The following VWC2L variants were observed in gnomAD, a reference collection of about 807,000 sequenced individuals.
VWC2L encodes the protein von Willebrand factor C domain containing 2 like.
VWC2L carries 10 observed loss-of-function variants against 21.6 expected under a neutral mutation model. That is an observed-to-expected ratio of 0.46 (90% CI 0.29 to 0.78). The LOEUF (loss-of-function observed/expected upper bound fraction) is 0.78. VWC2L is among the 30% of genes least tolerant of loss of function. The pLI is 0.10. For synonymous variants in VWC2L, 96 were observed against 94.3 expected (o/e 1.02, Z -0.10); for missense variants, 209 against 277.1 (o/e 0.75, Z 1.74).
intron 2 of VWC2L, among the ~76,000 whole-genome samples, chr2:214,420,196 C>T (rs963012130): frequency 2.0e-5 from 3 of 152,130 alleles, no homozygotes; most frequent in Non-Finnish European, 4.4e-5. Flanking sequence ...AAAATTTCAA[C>T]CTTCTCATTA....
chr2:214,574,037 G>A (rs770760321), intron 3 of VWC2L, among the ~76,000 whole-genome samples: 19 of 152,220 alleles, frequency 1.2e-4, no homozygotes, highest in Non-Finnish European at 2.1e-4. Flanking sequence ...AGCTACCTGG[G>A]AGGCTGAGGC....
chr2:214,500,373 G>T (rs886608901), intron 3 of VWC2L, among the ~76,000 whole-genome samples: 2 of 152,164 alleles, frequency 1.3e-5, no homozygotes, highest in East Asian at 1.9e-4. Context: ...CTGGTACAAG[G>T]GCTCTATGGT....
intron 3 of VWC2L, among the ~76,000 whole-genome samples, chr2:214,474,810 C>T (rs898968671): frequency 2.6e-5 from 4 of 152,042 alleles, no homozygotes; most frequent in South Asian, 4.1e-4. Context: ...ACATAGTTGC[C>T]GGCACATAAT....
intron 3 of VWC2L, among the ~76,000 whole-genome samples, chr2:214,470,930 A>G (rs1703298706): frequency 6.6e-6 from 1 of 150,728 alleles, no homozygotes; most frequent in Non-Finnish European, 1.5e-5. Context: ...AAAAAAAAAA[A>G]AAAAAAAAAA....
chr2:214,503,016 A>G (rs1034466949), intron 3 of VWC2L, among the ~76,000 whole-genome samples: 1 of 152,176 alleles, frequency 6.6e-6, no homozygotes, highest in Non-Finnish European at 1.5e-5. Context: ...CTGAGAACCA[A>G]TATCTTCCCC....
At chr2:214,505,216 T>C (rs1334631092) in intron 3 of VWC2L, among the ~76,000 whole-genome samples, 2 of 152,168 alleles carry the variant, frequency 1.3e-5, no homozygotes, top group Non-Finnish European at 2.9e-5. Flanking sequence ...ATTGCATCAG[T>C]TTGCCCTGAA....
chr2:214,494,580 A>G (rs373091868), intron 3 of VWC2L, among the ~76,000 whole-genome samples: 1 of 152,202 alleles, frequency 6.6e-6, no homozygotes, highest in East Asian at 1.9e-4. Context: ...TTGAAGGAAA[A>G]TCTCTCAGCT....
At chr2:214,520,472 C>A (rs1335700653) in intron 3 of VWC2L, among the ~76,000 whole-genome samples, 1 of 152,070 alleles carries the variant, frequency 6.6e-6, no homozygotes, top group Non-Finnish European at 1.5e-5. Flanking sequence ...AGTGAACTTC[C>A]TTGACCATGA....
chr2:214,551,900 C>T (rs1322326591), intron 3 of VWC2L, among the ~76,000 whole-genome samples: 1 of 152,236 alleles, frequency 6.6e-6, no homozygotes, highest in Non-Finnish European at 1.5e-5. Context: ...CCCCAGCAGA[C>T]GATGTCTTTC....
At chr2:214,526,630 C>T (rs903227532) in intron 3 of VWC2L, among the ~76,000 whole-genome samples, 1 of 152,184 alleles carries the variant, frequency 6.6e-6, no homozygotes, top group Non-Finnish European at 1.5e-5. Flanking sequence ...AATTCTGTTT[C>T]TTCCTATTGG....
chr2:214,433,911 G>T (rs923979261), intron 2 of VWC2L, among the ~76,000 whole-genome samples: 11 of 152,108 alleles, frequency 7.2e-5, no homozygotes, highest in Admixed American at 1.3e-4. Context: ...TTTACAGTGG[G>T]ATCAGAGGGG....
chr2:214,500,271 G>C (rs1463579116), intron 3 of VWC2L, among the ~76,000 whole-genome samples: 1 of 152,168 alleles, frequency 6.6e-6, no homozygotes, highest in Non-Finnish European at 1.5e-5. Flanking sequence ...ACGGTATTCA[G>C]CTAGTAATGG....
intron 3 of VWC2L, among the ~76,000 whole-genome samples, chr2:214,489,910 C>T (rs970338909): frequency 2.6e-5 from 4 of 152,176 alleles, no homozygotes; most frequent in African/African-American, 4.8e-5. Context: ...GAAGAAAGCA[C>T]GCTTACCCTA....
chr2:214,500,829 A>G (rs1688881132), intron 3 of VWC2L, among the ~76,000 whole-genome samples: 1 of 152,202 alleles, frequency 6.6e-6, no homozygotes, highest in Non-Finnish European at 1.5e-5. Context: ...TCTCTAACCA[A>G]TGAGTTTAAA....
intron 3 of VWC2L, among the ~76,000 whole-genome samples, chr2:214,449,831 T>C (rs949989985): frequency 6.6e-6 from 1 of 152,248 alleles, no homozygotes; most frequent in Non-Finnish European, 1.5e-5. Flanking sequence ...TAAATGCTAC[T>C]GTTTGTCAGG....
intron 3 of VWC2L, among the ~76,000 whole-genome samples, chr2:214,542,474 TCTC>T (rs1033833725): frequency 1.3e-5 from 2 of 152,154 alleles, no homozygotes; most frequent in Non-Finnish European, 2.9e-5. Flanking sequence ...ACTGAAAGCT[TCTC>T]CTGCTGCTGC....
chr2:214,544,282 G>A (rs533468493), intron 3 of VWC2L, among the ~76,000 whole-genome samples: 1 of 152,288 alleles, frequency 6.6e-6, no homozygotes, highest in South Asian at 2.1e-4. Flanking sequence ...TGTTGTAATA[G>A]AGGTGTATCC....
chr2:214,456,715 T>G (rs1315367716), intron 3 of VWC2L, among the ~76,000 whole-genome samples: 1 of 152,122 alleles, frequency 6.6e-6, no homozygotes, highest in Non-Finnish European at 1.5e-5. Context: ...TTTGGGGTCT[T>G]ACTTCTAAGT....
intron 3 of VWC2L, among the ~76,000 whole-genome samples, chr2:214,440,266 G>A (rs1052872390): frequency 3.3e-5 from 5 of 151,858 alleles, no homozygotes; most frequent in African/African-American, 1.2e-4. Flanking sequence ...ATTTTTATTT[G>A]GTGAGAATTG....
Sources: gnomAD v4.1 joint callset for allele counts (sites outside exome capture counted in the v4.1 genomes callset) on GRCh38, gnomAD v4.1.1 for gene constraint, MANE v1.5 for transcripts, NCBI Gene and HGNC (gene_info 2026-07-23, HGNC 2026-07-21) for gene names.